Variants in INPP4B observed in about 807,000 individuals in gnomAD.
INPP4B encodes inositol polyphosphate-4-phosphatase type II B, also known as inositol polyphosphate 4-phosphatase type II.
A neutral mutation model predicts 122.5 loss-of-function variants in INPP4B; 55 were observed. That is an observed-to-expected ratio of 0.45 (90% CI 0.36 to 0.56). The LOEUF (loss-of-function observed/expected upper bound fraction) is 0.56, where lower values mean the gene tolerates loss of function less well. INPP4B is among the 20% of genes least tolerant of loss of function. INPP4B has a pLI of 0.00. For missense variants in INPP4B, 1,000 were observed against 1,097.7 expected, an observed-to-expected ratio of 0.91 and a Z score of 1.26; for synonymous variants, 403 against 388.7, an observed-to-expected ratio of 1.04 and a Z score of -0.43.
At position 142,049,000 on chromosome 4, in the gene INPP4B, C is replaced by T. The variant is rs3775606; in HGVS notation, c.2643-20086G>A. 2.8e-4 allele frequency among the ~76,000 whole-genome samples: 43 copies of T among 152,086 alleles called. No individual in the cohort carries two copies. In the East Asian group the frequency reaches 4.8e-3, roughly 17 times the overall value. ...TAATTAAGACTTACATCATTGTTTA[C>T]AATTACATTGTCAACAACTTTGAGA... On this transcript the variant is annotated intron_variant, in intron 25 of 25. Transcript: ENST00000262992.
intron 7 of INPP4B, among the ~76,000 whole-genome samples, chr4:142,319,226 A>G (rs1173366310): frequency 1.3e-5 from 2 of 152,182 alleles, no homozygotes; most frequent in Non-Finnish European, 2.9e-5. Flanking sequence ...GGACAGTTTC[A>G]GCTGGCAGGC....
At chr4:142,766,405 T>A (rs2150986564) in intron 1 of INPP4B, among the ~76,000 whole-genome samples, 1 of 150,886 alleles carries the variant, frequency 6.6e-6, no homozygotes, top group African/African-American at 2.4e-5. Flanking sequence ...TGAGATGGAG[T>A]CTCATTCACT....
intron 2 of INPP4B, among the ~76,000 whole-genome samples, chr4:142,667,246 C>A (rs1362952532): frequency 6.6e-6 from 1 of 152,198 alleles, no homozygotes; most frequent in African/African-American, 2.4e-5. Context: ...CCAGCCTTCA[C>A]ATTTTAGTTT....
chr4:142,701,439 A>G (rs1420700269), intron 2 of INPP4B, among the ~76,000 whole-genome samples: 3 of 151,818 alleles, frequency 2.0e-5, no homozygotes, highest in Non-Finnish European at 4.4e-5. Context: ...AACTGGTGCA[A>G]TCAGGCTGGC....
At chr4:142,226,006 T>C (rs1460880084) in intron 12 of INPP4B, among the ~76,000 whole-genome samples, 1 of 152,212 alleles carries the variant, frequency 6.6e-6, no homozygotes, top group East Asian at 1.9e-4. Flanking sequence ...CCCATCATTT[T>C]ATCTAGTAAC....
At chr4:142,179,620 G>T (rs1829936816) in intron 15 of INPP4B, among the ~76,000 whole-genome samples, 1 of 149,220 alleles carries the variant, frequency 6.7e-6, no homozygotes. Context: ...GTGTTTACTG[G>T]TTCAGAACAC....
intron 7 of INPP4B, among the ~76,000 whole-genome samples, chr4:142,382,559 TTA>T (rs1264236329): frequency 2.1e-5 from 3 of 143,878 alleles, no homozygotes; most frequent in East Asian, 3.9e-4. Context: ...ATATTTACAT[TTA>T]TGTTTATATA....
At position 142,614,301 on chromosome 4, in the gene INPP4B, C is replaced by T. The variant is rs564904221; in HGVS notation, c.-191+111538G>A. On this transcript the variant is annotated intron_variant, in intron 2 of 25. Transcript: ENST00000262992. ...TCAAAAATATACTCTAGGGAAAGAA[C>T]ACACTGTTCAATAAATGATGCTGGG... Among the ~76,000 whole-genome samples, 25 of 152,206 alleles carry T rather than the reference C, an allele frequency of 1.6e-4. No homozygotes were observed. In the South Asian group the frequency reaches 5.2e-3, roughly 32 times the overall value.
intron 3 of INPP4B, among the ~76,000 whole-genome samples, chr4:142,436,941 G>A (rs769788058): frequency 3.3e-4 from 50 of 152,206 alleles, no homozygotes; most frequent in Admixed American, 2.5e-3. Context: ...GTAGGCTTCA[G>A]AAGGTGGGTA....
rs182740518 is a variant in INPP4B at position 142,788,713 on chromosome 4, A to G, written c.-254+57496T>C. Among the ~76,000 whole-genome samples the G allele has an allele frequency of 3.9e-3, 591 of 152,202 alleles. 2 individuals carry two copies. Among genetic ancestry groups the G allele is most frequent in the African/African-American group, 0.014 (569 of 41,546 alleles). Reference sequence around the variant, plus strand: ...AGCTCTCACTTATGAGTGAGAACATATGATGTTTGGTTTTCCATTCTTGAG... The same window carrying G: ...AGCTCTCACTTATGAGTGAGAACATGTGATGTTTGGTTTTCCATTCTTGAG... On this transcript the variant is annotated intron_variant, in intron 1 of 25. Coordinates refer to ENST00000262992, the MANE Select transcript of INPP4B (RefSeq NM_001101669.3).
chr4:142,502,717 G>A (rs1823546118), intron 2 of INPP4B, among the ~76,000 whole-genome samples: 1 of 151,980 alleles, frequency 6.6e-6, no homozygotes, highest in African/African-American at 2.4e-5. Context: ...CCAACCTCAG[G>A]TGATCCACCT....
chr4:142,384,249 T>C, intron 7 of INPP4B: 1 of 635,640 alleles, frequency 1.6e-6, no homozygotes. Flanking sequence ...AATTAGTTAG[T>C]AACAACTTCA....
chr4:142,515,487 G>A (rs1825307590), intron 2 of INPP4B, among the ~76,000 whole-genome samples: 1 of 152,040 alleles, frequency 6.6e-6, no homozygotes, highest in Non-Finnish European at 1.5e-5. Context: ...CTGTCTTGAA[G>A]TCCAGAACTC....
In INPP4B at chr4:142,533,476, T is replaced by A. The variant is rs758416701; in HGVS notation, c.-190-70750A>T. Among the ~76,000 whole-genome samples the A allele has an allele frequency of 1.3e-3, 203 of 152,182 alleles. No individual in the cohort carries two copies. In the Middle Eastern group the frequency reaches 0.031, roughly 23 times the overall value. On this transcript the variant is annotated intron_variant, in intron 2 of 25. Transcript: ENST00000262992. ...TGTATAAAAAATATTTATTTTTTTTTTAAAAATAATGCTGAGCTTTATAAT... is the reference window on the plus strand; with the variant it reads ...TGTATAAAAAATATTTATTTTTTTTATAAAAATAATGCTGAGCTTTATAAT...
chr4:142,582,498 G>C (rs894848139), intron 2 of INPP4B, among the ~76,000 whole-genome samples: 1 of 152,106 alleles, frequency 6.6e-6, no homozygotes, highest in Non-Finnish European at 1.5e-5. Flanking sequence ...GGGCAGAAAA[G>C]ATGCAAATTG....
chr4:142,550,391 G>A (rs541897570), intron 2 of INPP4B, among the ~76,000 whole-genome samples: 19 of 152,136 alleles, frequency 1.2e-4, no homozygotes, highest in East Asian at 1.2e-3. Context: ...CTCAAAATGA[G>A]CAAACCAGGA....
Position 142,322,560 on chromosome 4 carries a change from G to A in INPP4B, c.373-7798C>T, listed in dbSNP as rs1770484978. Among the ~76,000 whole-genome samples the A allele has an allele frequency of 2.6e-5, 4 of 152,096 alleles. 1 individual carries two copies. In the South Asian group the frequency reaches 8.3e-4, roughly 32 times the overall value. On this transcript the variant is annotated intron_variant, in intron 7 of 25. Transcript: ENST00000262992. ...GAAGTGACAACTACCCAGCTTCAAC[G>A]GATTGAAAAAATTCTGAGAAATATT...
At chr4:142,232,099 A>G (rs961269475) in intron 12 of INPP4B, among the ~76,000 whole-genome samples, 1 of 152,204 alleles carries the variant, frequency 6.6e-6, no homozygotes, top group South Asian at 2.1e-4. Flanking sequence ...AAAAATATTT[A>G]CTATCTTGCC....
intron 12 of INPP4B, among the ~76,000 whole-genome samples, chr4:142,213,723 T>C (rs944130042): frequency 6.6e-6 from 1 of 152,208 alleles, no homozygotes; most frequent in African/African-American, 2.4e-5. Context: ...TTAACATACA[T>C]ATGCACCTCA....
Sources: allele counts gnomAD v4.1 joint callset (sites outside exome capture counted in the v4.1 genomes callset), GRCh38; gene constraint gnomAD v4.1.1; transcripts MANE v1.5; gene names NCBI Gene and HGNC (gene_info 2026-07-23, HGNC 2026-07-21).